The following SPTBN4 variants were observed in gnomAD, a reference collection of about 807,000 sequenced individuals.
SPTBN4 encodes the protein spectrin beta chain, non-erythrocytic 4.
In SPTBN4, 96 loss-of-function variants were observed where a neutral mutation model predicts 277.8. The ratio of observed to expected loss-of-function variants is 0.35; its 90% CI spans 0.29 to 0.41. SPTBN4 has a LOEUF of 0.41. Among genes scored for constraint, SPTBN4 ranks in the 10% least tolerant of loss-of-function variants. SPTBN4 has a pLI of 1.00. For missense variants in SPTBN4, 3,006 were observed against 3,595.7 expected (o/e 0.84, Z 4.19); for synonymous variants, 1,481 against 1,580.3 (o/e 0.94, Z 1.49).
At chr19:40,540,845 A>G (rs951420228) in intron 20 of SPTBN4, among the ~76,000 whole-genome samples, 3 of 148,262 alleles carry the variant, frequency 2.0e-5, no homozygotes, top group Middle Eastern at 3.6e-3. Context: ...AAAAAAGAAA[A>G]GTAATTTGGA....
rs2145847304 is a variant in SPTBN4, at chr19:40,502,352, G to A, written c.1085+37G>A. On this transcript the variant is annotated intron_variant, in intron 9 of 35. Transcript: ENST00000598249. The surrounding 1 kb of genome is among the most constrained non-coding windows in gnomAD (Gnocchi z 4.9). ...CTCTGGAGGGAGGGTGGGCAGGGGT[G>A]GCATGACGGCAGGGCTCCTGAGCTC... is the stretch of plus-strand genomic sequence containing the variant. 4 of 1,609,274 alleles carry A rather than the reference G, an allele frequency of 2.5e-6. No homozygotes were observed. Among genetic ancestry groups the A allele is most frequent in the Non-Finnish European group, 3.4e-6 (4 of 1,177,114 alleles).
chr19:40,507,649 A>G (rs1238826676), intron 13 of SPTBN4, among the ~76,000 whole-genome samples: 3 of 152,216 alleles, frequency 2.0e-5, no homozygotes, highest in Non-Finnish European at 4.4e-5. Flanking sequence ...TTTGGCCAAC[A>G]TGGTGAAACT....
chr19:40,545,694 A>C lies in SPTBN4; in HGVS notation c.4360-3495A>C, dbSNP rs2080851308. Among the ~76,000 whole-genome samples, 3 of 151,974 alleles carry C rather than the reference A, an allele frequency of 2.0e-5. No individual in the cohort carries two copies. The South Asian group carries it at 6.2e-4, about 32-fold the overall frequency. Reference sequence around the variant, plus strand: ...AGGCCGAGGTGGGTGGATCACCTGTAGTCAAGAGTTCAAGACTAGCCTGGC... The same window carrying C: ...AGGCCGAGGTGGGTGGATCACCTGTCGTCAAGAGTTCAAGACTAGCCTGGC... On this transcript the variant is annotated intron_variant, in intron 20 of 35. Coordinates refer to ENST00000598249, the MANE Select transcript of SPTBN4 (RefSeq NM_020971.3).
At chr19:40,541,011 T>C (rs1050742297) in intron 20 of SPTBN4, among the ~76,000 whole-genome samples, 2 of 152,064 alleles carry the variant, frequency 1.3e-5, no homozygotes, top group African/African-American at 2.4e-5. Context: ...TGCCAACACT[T>C]GGTTTTGTCA....
At chr19:40,501,736 A>G (rs1021754645) in intron 7 of SPTBN4, among the ~76,000 whole-genome samples, 185 bp from the exon 8 acceptor site, 2 of 152,204 alleles carry the variant, frequency 1.3e-5, no homozygotes, top group Non-Finnish European at 2.9e-5. Flanking sequence ...TGTGTCAGGC[A>G]CTATTTAATT....
rs745836725 is a variant in SPTBN4 at position 40,560,531 on chromosome 19, C to T, written c.5915+128C>T. On this transcript the variant is annotated intron_variant, in intron 27 of 35. Coordinates refer to ENST00000598249, the MANE Select transcript of SPTBN4 (RefSeq NM_020971.3). This position sits in a 1 kb window ranked among gnomAD's most constrained non-coding sequence, Gnocchi z 5.2. ...AATATCTGTGTGGCGCCTCTGTGTG[C>T]TAGGCACTGTTCTAGGTGCTTCGTG... The T allele has an allele frequency of 1.3e-5, 21 of 1,568,450 alleles. No individual in the cohort carries two copies. The South Asian group carries it at 2.1e-4, about 16-fold the overall frequency.
chr19:40,528,929 T>C (rs1379682988), intron 17 of SPTBN4, 112 bp from the exon 18 acceptor site: 4 of 759,578 alleles, frequency 5.3e-6, no homozygotes, highest in Non-Finnish European at 9.1e-6. Context: ...CTCTCTTACA[T>C]ATTTTCCACG....
chr19:40,523,623 A>T lies in SPTBN4; in HGVS notation c.3841A>T (p.Thr1281Ser). The change falls in exon 17 of 36, where the codon ACC (threonine) becomes TCC (serine). Residue 1281 changes from threonine (T) to serine (S), a missense_variant. Physicochemically the swap from Thr to Ser is moderately conservative, Grantham distance 58 (BLOSUM62 1). Coordinates refer to ENST00000598249, the MANE Select transcript of SPTBN4 (RefSeq NM_020971.3). ...IYGEQAQEAVTRLLEKNQENQ... is the reference protein window; with the variant it reads ...IYGEQAQEAVSRLLEKNQENQ... Reference sequence around the variant, plus strand: ...CGGGGAGCAGGCTCAGGAGGCTGTGACCCGGCTGCTGGAGAAGTAGGTCCC... The same window carrying T: ...CGGGGAGCAGGCTCAGGAGGCTGTGTCCCGGCTGCTGGAGAAGTAGGTCCC... 1 of 1,611,796 alleles carries T rather than the reference A, an allele frequency of 6.2e-7. No homozygotes were observed. Among genetic ancestry groups the T allele is most frequent in the Non-Finnish European group, 8.5e-7 (1 of 1,178,422 alleles).
Position 40,504,076 on chromosome 19 carries a change from C to T in SPTBN4, c.1609C>T (p.Leu537=). 6.3e-7 allele frequency: 1 copy of T among 1,575,022 alleles called. No homozygotes were observed. Among genetic ancestry groups the T allele is most frequent in the Non-Finnish European group, 8.7e-7 (1 of 1,156,056 alleles). ...GACACGACTTGAGCAGAACCTTGCC[C>T]TGCAGAAGGTCTTCCAGGAGATGGT... The part of the protein sequence containing the change: ...RRTRLEQNLA[L]QKVFQEMVYM... The change falls in exon 12 of 36, where the codon CTG becomes TTG. Residue 537 remains leucine (L), a synonymous_variant. Transcript: ENST00000598249.
chr19:40,523,775 T>G (rs2080557239), intron 17 of SPTBN4, 136 bp downstream of exon 17: 4 of 838,032 alleles, frequency 4.8e-6, no homozygotes, highest in Admixed American at 3.0e-5. Context: ...CTATTTCTAT[T>G]TAATTCCATG....
Position 40,512,875 on chromosome 19 carries a change from C to T in SPTBN4, c.2086C>T (p.Arg696Cys). The change falls in exon 14 of 36, where the codon CGC (arginine) becomes TGC (cysteine). Residue 696 changes from arginine (R) to cysteine (C), a missense_variant. This residue lies in a region of SPTBN4 where 1,759 missense variants were observed against 2,061.5 expected (regional missense o/e 0.85). Transcript: ENST00000598249. ...GGAHDLSSTA[R>C]LLAQHKILQG... Reference sequence around the variant, plus strand: ...CGCGCATGACCTGTCCAGCACAGCGCGCCTCCTGGCCCAGCACAAGATCCT... The same window carrying T: ...CGCGCATGACCTGTCCAGCACAGCGTGCCTCCTGGCCCAGCACAAGATCCT... The T allele has an allele frequency of 9.0e-6, 13 of 1,446,976 alleles. No individual in the cohort carries two copies. The highest frequency in any genetic ancestry group is 1.2e-5 in the Non-Finnish European group (13 of 1,112,056). The allele number at this position is 1,446,976 out of a possible 1,614,324, so 89.6% of individuals were successfully genotyped here.
chr19:40,480,144 G>T (rs186931352), intron 2 of SPTBN4, among the ~76,000 whole-genome samples: 1 of 151,740 alleles, frequency 6.6e-6, no homozygotes, highest in Non-Finnish European at 1.5e-5. Flanking sequence ...CCAGCTGCAC[G>T]TGAGGCTGAG....
At chr19:40,514,106 G>T (rs994232189) in intron 14 of SPTBN4, among the ~76,000 whole-genome samples, 1 of 152,206 alleles carries the variant, frequency 6.6e-6, no homozygotes, top group Admixed American at 6.5e-5. Flanking sequence ...ACTTAGCAAT[G>T]AGTTGTTCAA....
At chr19:40,498,421 T>TTTATTTA (rs1568777325) in intron 7 of SPTBN4, among the ~76,000 whole-genome samples, 7 of 120,918 alleles carry the variant, frequency 5.8e-5, no homozygotes, top group South Asian at 2.7e-4. Context: ...TTATTTATTT[T>TTTATTTA]TTTAGATGGA....
intron 17 of SPTBN4, among the ~76,000 whole-genome samples, chr19:40,524,243 G>A (rs2080563259): frequency 6.6e-6 from 1 of 152,020 alleles, no homozygotes; most frequent in African/African-American, 2.4e-5. Context: ...AGTGACTCAT[G>A]CCTGTAATCC....
intron 20 of SPTBN4, among the ~76,000 whole-genome samples, chr19:40,539,304 G>C (rs1015766938): frequency 2.0e-5 from 3 of 152,186 alleles, no homozygotes; most frequent in Non-Finnish European, 2.9e-5. Flanking sequence ...CCTTCTCCTT[G>C]CAATGGGAAG....
intron 20 of SPTBN4, among the ~76,000 whole-genome samples, chr19:40,537,726 C>T (rs1568822440): frequency 6.6e-6 from 1 of 152,104 alleles, no homozygotes. Flanking sequence ...ACCTTTAGTC[C>T]CTCCCTGAGC....
intron 18 of SPTBN4, among the ~76,000 whole-genome samples, chr19:40,531,477 T>TTG (rs2080672696): frequency 5.3e-5 from 5 of 94,804 alleles, no homozygotes; most frequent in African/African-American, 2.4e-4. Flanking sequence ...TTTTTTTTTT[T>TTG]TTTTTTTTTT....
chr19:40,557,436 AG>A (rs2080994373), intron 26 of SPTBN4, 33 bp downstream of exon 26: 1 of 1,530,176 alleles, frequency 6.5e-7, no homozygotes, highest in African/African-American at 1.4e-5. Flanking sequence ...GGCAGGTGGG[AG>A]GGCCTGGACA....
Sources: gnomAD v4.1 joint callset for allele counts (sites outside exome capture counted in the v4.1 genomes callset) on GRCh38, gnomAD v4.1.1 for gene constraint, gnomAD v4.1.1 regional missense constraint, Gnocchi (gnomAD v3.1) non-coding constraint, MANE v1.5 for transcripts, NCBI Gene and HGNC (gene_info 2026-07-23, HGNC 2026-07-21) for gene names.